The following PUDP variants were observed in gnomAD, a reference collection of about 807,000 sequenced individuals.
PUDP encodes the protein pseudouridine 5'-phosphatase, also known as pseudouridine-5'-phosphatase.
PUDP carries 8 observed loss-of-function variants against 9.4 expected under a neutral mutation model. The observed-to-expected ratio is 0.85, with a 90% CI of 0.50 to 1.53. The LOEUF (loss-of-function observed/expected upper bound fraction) is 1.53. Among genes scored for constraint, PUDP ranks in the 40% most tolerant of loss-of-function variants. The pLI is 0.00. For missense variants in PUDP, 188 were observed against 189.7 expected, an observed-to-expected ratio of 0.99 and a Z score of 0.05; for synonymous variants, 99 against 80.7, an observed-to-expected ratio of 1.23 and a Z score of -1.22.
At chrX:6,759,635 T>C (rs1925206790) in intron 3 of PUDP, among the ~76,000 whole-genome samples, 1 of 111,550 alleles carries the variant, frequency 9.0e-6, no homozygotes, top group Non-Finnish European at 1.9e-5. Context: ...TCACCCTTGG[T>C]TGGGAAGCAC....
At chrX:6,924,841 T>C (rs1928077359) in intron 3 of PUDP, among the ~76,000 whole-genome samples, 1 of 112,703 alleles carries the variant, frequency 8.9e-6, no homozygotes, top group African/African-American at 3.2e-5. Flanking sequence ...AATATCCTTG[T>C]TGTTCTTTGT....
At chrX:6,795,539 C>G (rs1445668314) in intron 3 of PUDP, among the ~76,000 whole-genome samples, 1 of 111,533 alleles carries the variant, frequency 9.0e-6, no homozygotes, top group Non-Finnish European at 1.9e-5. Context: ...GAACCCTGTG[C>G]TTAGGGACCT....
At chrX:6,709,227 G>A (rs1157928365) in intron 1 of PUDP, among the ~76,000 whole-genome samples, 4 of 111,756 alleles carry the variant, frequency 3.6e-5, no homozygotes. Flanking sequence ...TAGCACACAG[G>A]ATCTTCCAGG....
intron 3 of PUDP, among the ~76,000 whole-genome samples, chrX:6,901,662 T>C (rs1927688478): frequency 8.9e-6 from 1 of 112,344 alleles, no homozygotes; most frequent in African/African-American, 3.2e-5. Context: ...AGTCACACTA[T>C]AATTAAAAGC....
At chrX:6,767,915 CTG>C (rs774298225) in intron 3 of PUDP, among the ~76,000 whole-genome samples, 55 of 111,426 alleles carry the variant, frequency 4.9e-4, no homozygotes, top group African/African-American at 1.6e-3. Flanking sequence ...TGGGGTGTCT[CTG>C]TGACTGCTAC....
chrX:6,896,057 G>C, intron 3 of PUDP, among the ~76,000 whole-genome samples: 1 of 111,798 alleles, frequency 8.9e-6, no homozygotes, highest in Non-Finnish European at 1.9e-5. Flanking sequence ...GAACTTGGGG[G>C]AACACAGATG....
rs752455856 is a variant in PUDP at position 6,720,121 on chromosome X, C to CAT, written n.128+1294_128+1295dup. On this transcript the variant is annotated intron_variant and non_coding_transcript_variant, in intron 1 of 2. Coordinates refer to the PUDP transcript ENST00000438499. ...TTATACATACATATATACATTTATTCATATATATATATACGTGTGTATATA... is the reference window on the plus strand; with the variant it reads ...TTATACATACATATATACATTTATTCATATATATATATATACGTGTGTATATA... Among the ~76,000 whole-genome samples, 378 of 98,871 alleles carry CAT rather than the reference C, an allele frequency of 3.8e-3. 3 individuals carry two copies. Among genetic ancestry groups the CAT allele is most frequent in the African/African-American group, 7.1e-3 (189 of 26,593 alleles). 85.9% of individuals were successfully genotyped at this position (98,871 alleles called of 115,157 possible). A position where few individuals can be genotyped will look rare whatever the true frequency, so the allele number is the denominator to read the frequency against.
intron 3 of PUDP, among the ~76,000 whole-genome samples, chrX:6,922,662 T>C (rs1266304137): frequency 2.7e-5 from 3 of 111,895 alleles, no homozygotes; most frequent in Non-Finnish European, 3.8e-5. Context: ...TGTTGACTTC[T>C]GCTCTGACTT....
At chrX:6,742,753 C>T (rs899821034) in intron 3 of PUDP, among the ~76,000 whole-genome samples, 6 of 111,305 alleles carry the variant, frequency 5.4e-5, no homozygotes, top group South Asian at 3.8e-4. Flanking sequence ...CCAGCCTGAG[C>T]GATAGAGCAA....
At chrX:6,831,286 GCTGTATGACTC>G (rs1211127732) in intron 3 of PUDP, among the ~76,000 whole-genome samples, 3 of 112,271 alleles carry the variant, frequency 2.7e-5, no homozygotes, top group Non-Finnish European at 5.6e-5. Flanking sequence ...GCAGCTTCCA[GCTGTATGACTC>G]CTAAACCATA....
intron 3 of PUDP, among the ~76,000 whole-genome samples, chrX:6,840,412 G>T (rs889127086): frequency 8.9e-6 from 1 of 112,013 alleles, no homozygotes; most frequent in African/African-American, 3.2e-5. Flanking sequence ...ATATTATTCA[G>T]CACTAAAAAG....
chrX:6,781,721 G>A (rs1203402903), intron 3 of PUDP, among the ~76,000 whole-genome samples: 1 of 112,460 alleles, frequency 8.9e-6, no homozygotes, highest in Non-Finnish European at 1.9e-5. Flanking sequence ...CACTAGGGAA[G>A]TAGTTCTCAG....
chrX:7,032,084 G>A (rs1450738183), intron 1 of PUDP, among the ~76,000 whole-genome samples: 1 of 111,753 alleles, frequency 8.9e-6, no homozygotes, highest in Non-Finnish European at 1.9e-5. Flanking sequence ...AACAAAAAAT[G>A]AGCAAATTAT....
At chrX:6,970,966 G>C (rs746432699) in intron 3 of PUDP, among the ~76,000 whole-genome samples, 2 of 110,850 alleles carry the variant, frequency 1.8e-5, no homozygotes, top group Non-Finnish European at 3.8e-5. Context: ...TAGGAGAATC[G>C]CTTGAACCTG....
intron 1 of PUDP, among the ~76,000 whole-genome samples, chrX:7,137,125 C>T (rs1932756793): frequency 9.1e-6 from 1 of 109,391 alleles, no homozygotes; most frequent in South Asian, 4.0e-4. Flanking sequence ...CCTGTAATCC[C>T]AGCTACTAGG....
chrX:7,142,476 T>C (rs1476650107), intron 1 of PUDP, among the ~76,000 whole-genome samples: 1 of 111,457 alleles, frequency 9.0e-6, no homozygotes, highest in Non-Finnish European at 1.9e-5. Context: ...CTGAACTGAA[T>C]AGACACTGCT....
chrX:6,809,595 C>A (rs1028392604), intron 3 of PUDP, among the ~76,000 whole-genome samples: 3 of 110,821 alleles, frequency 2.7e-5, no homozygotes, highest in African/African-American at 9.9e-5. Flanking sequence ...CAGCACCAAG[C>A]CCTATATGCC....
chrX:7,122,901 T>C (rs1478127530), intron 1 of PUDP, among the ~76,000 whole-genome samples: 1 of 112,806 alleles, frequency 8.9e-6, no homozygotes, highest in Non-Finnish European at 1.9e-5. Context: ...GAAGTATTTA[T>C]ACCAAAAATT....
chrX:6,879,170 T>C (rs1462814316), intron 3 of PUDP, among the ~76,000 whole-genome samples: 1 of 111,730 alleles, frequency 9.0e-6, no homozygotes, highest in Admixed American at 9.5e-5. Flanking sequence ...CCCAGGACCA[T>C]GTTACCCCAT....
Sources: gnomAD v4.1 joint callset for allele counts (sites outside exome capture counted in the v4.1 genomes callset) on GRCh38, gnomAD v4.1.1 for gene constraint, MANE v1.5 for transcripts, NCBI Gene and HGNC (gene_info 2026-07-23, HGNC 2026-07-21) for gene names.